The following TRPM5 variants were observed in gnomAD, a reference collection of about 807,000 sequenced individuals.
The protein encoded by TRPM5 is transient receptor potential cation channel subfamily M member 5.
In TRPM5, 121 loss-of-function variants were observed where a neutral mutation model predicts 124.9. The observed-to-expected ratio is 0.97, with a 90% confidence interval of 0.84 to 1.13. The LOEUF (loss-of-function observed/expected upper bound fraction) is 1.13. Among genes scored for constraint, TRPM5 ranks in the 50% most tolerant of loss-of-function variants. The pLI is 0.00. For missense variants in TRPM5, 1,643 were observed against 1,589.1 expected (o/e 1.03, Z -0.58); for synonymous variants, 781 against 700.5 (o/e 1.11, Z -1.81).
upstream of TRPM5, chr11:2,423,072 T>G (rs1390910762): frequency 4.5e-6 from 7 of 1,561,074 alleles, no homozygotes; most frequent in Admixed American, 1.7e-5. Flanking sequence ...CCCTGGCCCT[T>G]GAGGGCTGAG....
At chr11:2,414,013 G>GCCCCCC in intron 12 of TRPM5, 48 bp downstream of exon 17, 1 of 625,668 alleles carries the variant, frequency 1.6e-6, no homozygotes, top group East Asian at 5.3e-5. Flanking sequence ...CAGCTCGCCC[G>GCCCCCC]CCCACCCCAC....
In TRPM5 at chr11:2,404,830, G is replaced by T. The variant is rs571291082; in HGVS notation, c.*107C>A. 1.0e-5 allele frequency: 9 copies of T among 863,430 alleles called. No homozygotes were observed. In the South Asian group the frequency reaches 1.3e-4, roughly 12 times the overall value. 53.5% of individuals were successfully genotyped at this position (863,430 alleles called of 1,614,324 possible). On this transcript the variant is annotated 3_prime_UTR_variant, in exon 24 of 24. Coordinates refer to ENST00000155858, the Ensembl canonical transcript of TRPM5. Reference sequence around the variant, plus strand: ...CAGGAGGGCCATTGTCTGCTGGGGGGCTGGTGCCCCCTGGGGGGTTCCGCT... The same window carrying T: ...CAGGAGGGCCATTGTCTGCTGGGGGTCTGGTGCCCCCTGGGGGGTTCCGCT...
chr11:2,438,830 T>C, the TRPM5 span, among the ~76,000 whole-genome samples: 355 of 152,268 alleles, frequency 2.3e-3, 3 homozygotes, highest in African/African-American at 8.2e-3. The surrounding 1 kb of genome is among the most constrained non-coding windows in gnomAD (Gnocchi z 5.9). Context: ...AAAACTACTC[T>C]AAAATTCATA....
rs368423992 is a variant in TRPM5 at position 2,418,350 on chromosome 11, G to A, written c.723C>T (p.Ser241=). Residue 241 remains serine (S), a synonymous_variant, in exon 6 of 24, where the codon TCC becomes TCT. Transcript: ENST00000155858. ...ACGGGGCAGCCTGCTCCACGGCCCT[G>A]GAGATCCTCTGAGACGGGGAGGGAG... The A allele has an allele frequency of 1.7e-5, 26 of 1,552,560 alleles. No individual in the cohort carries two copies. In the African/African-American group the frequency reaches 1.9e-4, roughly 11 times the overall value.
intron 20 of TRPM5, 119 bp from the exon 26 acceptor site, chr11:2,406,912 G>A: frequency 6.9e-7 from 1 of 1,446,392 alleles, no homozygotes. Context: ...CCCAGCCAGG[G>A]ATGGAGGGCA....
chr11:2,435,599 C>G, the TRPM5 span, among the ~76,000 whole-genome samples: 7 of 152,030 alleles, frequency 4.6e-5, no homozygotes, highest in Admixed American at 2.0e-4. The surrounding 1 kb of genome is among the most constrained non-coding windows in gnomAD (Gnocchi z 4.1). Context: ...ATCCATCCAT[C>G]CATCCATCCA....
At chr11:2,439,629 C>G in the TRPM5 span, among the ~76,000 whole-genome samples, 1 of 152,194 alleles carries the variant, frequency 6.6e-6, no homozygotes, top group Admixed American at 6.5e-5. Context: ...TAGTGAGATA[C>G]CATCTCACAC....
At chr11:2,412,959 G>A (rs1326323832) in exon 15 of TRPM5, 7 of 1,606,084 alleles carry the variant, frequency 4.4e-6, no homozygotes, top group Non-Finnish European at 5.1e-6. Context: ...CAGGAAGACA[G>A]CACGTGGGCC....
intron 4 of TRPM5, among the ~76,000 whole-genome samples, chr11:2,419,463 AAAAAG>A (rs1565013990): frequency 8.0e-6 from 1 of 125,308 alleles, no homozygotes; most frequent in Non-Finnish European, 1.7e-5. Context: ...AAAAAAAAAA[AAAAAG>A]AGCCGGGCAT....
chr11:2,413,352 A>G (rs1850493656), intron 13 of TRPM5, 124 bp downstream of exon 18: 2 of 1,303,396 alleles, frequency 1.5e-6, no homozygotes, highest in Non-Finnish European at 2.1e-6. Flanking sequence ...ACCCGCAGGG[A>G]GGCTGGACTT....
upstream of TRPM5, among the ~76,000 whole-genome samples, chr11:2,427,596 C>T (rs2133543113): frequency 6.6e-6 from 1 of 152,380 alleles, no homozygotes; most frequent in African/African-American, 2.4e-5. Flanking sequence ...TGGCCGTCCT[C>T]AGGTGTGATT....
At chr11:2,404,959 C>G in exon 24 of TRPM5, 1 of 1,612,354 alleles carries the variant, frequency 6.2e-7, no homozygotes, top group Non-Finnish European at 8.5e-7. Context: ...GGGAGGCTGG[C>G]CAGCCCCGGG....
chr11:2,414,746 C>T (rs746094271), exon 11 of TRPM5: 40 of 1,546,552 alleles, frequency 2.6e-5, no homozygotes, highest in Admixed American at 1.6e-4. Flanking sequence ...TCGCCTCGCG[C>T]GTGGCTCGGG....
At chr11:2,440,288 T>C in the TRPM5 span, among the ~76,000 whole-genome samples, 1 of 152,274 alleles carries the variant, frequency 6.6e-6, no homozygotes, top group East Asian at 1.9e-4. This position sits in a 1 kb window ranked among gnomAD's most constrained non-coding sequence, Gnocchi z 5.2. Context: ...AATATACCTA[T>C]GTAACAAACC....
chr11:2,425,026 C>G (rs959002922), upstream of TRPM5, among the ~76,000 whole-genome samples: 4 of 152,220 alleles, frequency 2.6e-5, no homozygotes, highest in Non-Finnish European at 4.4e-5. Context: ...AACCAGCCCG[C>G]GGACCGCAGA....
upstream of TRPM5, among the ~76,000 whole-genome samples, chr11:2,424,086 C>T (rs944341845): frequency 2.6e-4 from 40 of 152,356 alleles, no homozygotes; most frequent in African/African-American, 7.2e-4. Flanking sequence ...CTACCCTGTC[C>T]GACCTGGGGC....
At position 2,412,033 on chromosome 11, in the gene TRPM5, C is replaced by T; in HGVS notation, c.2474+102G>A. 7 of 1,088,118 alleles carry T rather than the reference C, an allele frequency of 6.4e-6. No individual in the cohort carries two copies. The South Asian group carries it at 9.4e-5, about 15-fold the overall frequency. The allele number at this position is 1,088,118 out of a possible 1,614,324, so 67.4% of individuals were successfully genotyped here. Reference sequence around the variant, plus strand: ...CCACCCACCTCAGCCTCCTGAGTAGCTGGGACCACAAGTGCCACCGCCACA... The same window carrying T: ...CCACCCACCTCAGCCTCCTGAGTAGTTGGGACCACAAGTGCCACCGCCACA... On this transcript the variant is annotated intron_variant, in intron 16 of 23. Coordinates refer to ENST00000155858, the Ensembl canonical transcript of TRPM5.
At chr11:2,418,288 A>C (rs998637740) in exon 6 of TRPM5, 2 of 1,576,522 alleles carry the variant, frequency 1.3e-6, no homozygotes, top group Non-Finnish European at 1.7e-6. Context: ...GGCAGCAAGC[A>C]CATCGGCGAT....
chr11:2,440,591 C>A, the TRPM5 span, among the ~76,000 whole-genome samples: 2 of 152,252 alleles, frequency 1.3e-5, no homozygotes, highest in East Asian at 1.9e-4. This position sits in a 1 kb window ranked among gnomAD's most constrained non-coding sequence, Gnocchi z 5.2. Flanking sequence ...GTGGAGACGC[C>A]CCTGGGACCC....
Sources: gnomAD v4.1 joint callset for allele counts (sites outside exome capture counted in the v4.1 genomes callset) on GRCh38, gnomAD v4.1.1 for gene constraint, Gnocchi (gnomAD v3.1) non-coding constraint, MANE v1.5 for transcripts, NCBI Gene and HGNC (gene_info 2026-07-23, HGNC 2026-07-21) for gene names.